CLIP2: variants seen among roughly 807,000 people sequenced by gnomAD.
The protein encoded by CLIP2 is CAP-Gly domain-containing linker protein 2.
Under a neutral mutation model 111.7 loss-of-function variants are expected in CLIP2, and 41 were observed. The observed-to-expected ratio is 0.37, with a 90% CI of 0.29 to 0.48. CLIP2 has a LOEUF of 0.48. CLIP2 is among the 20% of genes least tolerant of loss of function. The probability of loss-of-function intolerance (pLI) is 0.99; values close to 1 mark genes in which losing one functional copy is unlikely to be tolerated. For missense variants in CLIP2, 1,160 were observed against 1,422.1 expected (o/e 0.82, Z 2.96); for synonymous variants, 660 against 644.2 (o/e 1.02, Z -0.37).
intron 11 of CLIP2, among the ~76,000 whole-genome samples, chr7:74,383,292 C>G (rs1790996817): frequency 6.6e-6 from 1 of 152,048 alleles, no homozygotes; most frequent in African/African-American, 2.4e-5. Flanking sequence ...TGGTCATTTT[C>G]TCCCCCCAAC....
chr7:74,397,029 G>C (rs782416717), intron 13 of CLIP2, 45 bp from the exon 14 acceptor site: 1 of 1,594,280 alleles, frequency 6.3e-7, no homozygotes, highest in Non-Finnish European at 8.6e-7. Flanking sequence ...GGAGCTGGAG[G>C]AGCCAGGGCT....
At chr7:74,396,773 G>A (rs1480183929) in intron 13 of CLIP2, among the ~76,000 whole-genome samples, 2 of 152,020 alleles carry the variant, frequency 1.3e-5, no homozygotes, top group African/African-American at 2.4e-5. Flanking sequence ...CGCCCACCTC[G>A]GCCTTCTGAA....
chr7:74,396,079 G>A (rs1422481360), intron 13 of CLIP2, among the ~76,000 whole-genome samples: 6 of 152,278 alleles, frequency 3.9e-5, no homozygotes, highest in African/African-American at 9.6e-5. Flanking sequence ...AAGGGAAAAC[G>A]CTAGGGCATA....
chr7:74,346,193 C>T (rs1223155018), intron 3 of CLIP2, among the ~76,000 whole-genome samples: 6 of 152,040 alleles, frequency 3.9e-5, no homozygotes, highest in Non-Finnish European at 7.4e-5. Context: ...GTTGCCCAGG[C>T]TGGTCTTGAA....
At chr7:74,384,814 A>G (rs1406863689) in intron 11 of CLIP2, among the ~76,000 whole-genome samples, 8 of 151,942 alleles carry the variant, frequency 5.3e-5, no homozygotes, top group Non-Finnish European at 8.8e-5. Flanking sequence ...TCATTTTTAT[A>G]AGTGACTTAG....
intron 13 of CLIP2, among the ~76,000 whole-genome samples, chr7:74,391,648 C>T (rs373194495): frequency 2.6e-5 from 4 of 151,852 alleles, no homozygotes; most frequent in East Asian, 2.0e-4. Context: ...GGCGAAACCC[C>T]GTCTCTACTA....
At chr7:74,311,214 C>T (rs1315553193) in intron 1 of CLIP2, among the ~76,000 whole-genome samples, 4 of 152,120 alleles carry the variant, frequency 2.6e-5, no homozygotes, top group African/African-American at 7.2e-5. Context: ...TTCCTGAACT[C>T]GTGATCTGCC....
In CLIP2 at chr7:74,385,482, A is replaced by G. The variant is rs1325030910; in HGVS notation, c.2480-1039A>G. ...CCTGTCTCAAAAAAAAAAAAAAAAAAGGTTAAAATCGTGTTGGTATTTTTA... is the reference window on the plus strand; with the variant it reads ...CCTGTCTCAAAAAAAAAAAAAAAAAGGGTTAAAATCGTGTTGGTATTTTTA... On this transcript the variant is annotated intron_variant, in intron 11 of 16. Transcript: ENST00000223398. 2.0e-5 allele frequency among the ~76,000 whole-genome samples: 3 copies of G among 151,024 alleles called. No individual in the cohort carries two copies. The East Asian group carries it at 5.8e-4, about 29-fold the overall frequency.
intron 10 of CLIP2, chr7:74,380,147 G>A (rs1790902321): frequency 6.6e-6 from 1 of 151,946 alleles, no homozygotes; most frequent in Non-Finnish European, 1.5e-5. Flanking sequence ...GCCAGACTCT[G>A]GCTGGCTCGG....
At chr7:74,317,425 G>A in intron 1 of CLIP2, 55 bp from the exon 2 acceptor site, 1 of 1,201,848 alleles carries the variant, frequency 8.3e-7, no homozygotes, top group Non-Finnish European at 1.1e-6. Flanking sequence ...TGGCCCTTGA[G>A]GGTCTGGGGG....
At chr7:74,375,069 T>A (rs188534362) in intron 9 of CLIP2, among the ~76,000 whole-genome samples, 174 of 152,106 alleles carry the variant, frequency 1.1e-3, no homozygotes, top group Admixed American at 3.3e-3. Flanking sequence ...AAAAAAAAAA[T>A]TTCTTAATAA....
chr7:74,344,619 C>T (rs1347858738), intron 3 of CLIP2, among the ~76,000 whole-genome samples: 1 of 151,942 alleles, frequency 6.6e-6, no homozygotes, highest in African/African-American at 2.4e-5. Context: ...CTCAGGCTGG[C>T]CTCAAATTCC....
chr7:74,323,930 CGTT>C (rs1192685492), intron 2 of CLIP2, among the ~76,000 whole-genome samples: 1 of 152,206 alleles, frequency 6.6e-6, no homozygotes, highest in Non-Finnish European at 1.5e-5. Flanking sequence ...GTATCCCCGT[CGTT>C]AAGTGATGCA....
At chr7:74,302,900 G>A (rs1252331053) in intron 1 of CLIP2, among the ~76,000 whole-genome samples, 2 of 152,192 alleles carry the variant, frequency 1.3e-5, no homozygotes, top group African/African-American at 4.8e-5. Context: ...AGGGCAGCTC[G>A]GGATTTATCC....
chr7:74,368,137 C>T (rs1340161164), intron 8 of CLIP2, among the ~76,000 whole-genome samples: 7 of 151,868 alleles, frequency 4.6e-5, no homozygotes, highest in Admixed American at 2.0e-4. Flanking sequence ...CGCTTGAGTC[C>T]GGGCAGTTGA....
At chr7:74,388,795 C>CA (rs75865402) in intron 12 of CLIP2, 7,972 of 156,466 alleles carry the variant, frequency 0.051, no homozygotes, top group Middle Eastern at 0.09. Flanking sequence ...ACTTTGTCTC[C>CA]AAAAAAAAAA....
intron 4 of CLIP2, among the ~76,000 whole-genome samples, chr7:74,354,428 A>T (rs922337668): frequency 6.6e-6 from 1 of 152,144 alleles, no homozygotes; most frequent in Admixed American, 6.6e-5. Context: ...AGCCTGGCCA[A>T]CATGGTGAAA....
chr7:74,333,236 T>G (rs1279305214), intron 2 of CLIP2, among the ~76,000 whole-genome samples: 1 of 152,160 alleles, frequency 6.6e-6, no homozygotes, highest in Non-Finnish European at 1.5e-5. Context: ...CAGGCTGGAA[T>G]GCAGTGATGC....
At chr7:74,305,045 T>G (rs1374018005) in intron 1 of CLIP2, among the ~76,000 whole-genome samples, 1 of 118,440 alleles carries the variant, frequency 8.4e-6, no homozygotes, top group Non-Finnish European at 1.7e-5. Flanking sequence ...CCCTCCCTGC[T>G]CTTACAATGG....
Sources: gnomAD v4.1 joint callset for allele counts (sites outside exome capture counted in the v4.1 genomes callset) on GRCh38, gnomAD v4.1.1 for gene constraint, MANE v1.5 for transcripts, NCBI Gene and HGNC (gene_info 2026-07-23, HGNC 2026-07-21) for gene names.